The following MITF variants were observed in gnomAD, a reference collection of about 807,000 sequenced individuals.
MITF encodes melanocyte inducing transcription factor.
A neutral mutation model predicts 60.5 loss-of-function variants in MITF; 17 were observed. The ratio of observed to expected loss-of-function variants is 0.28; its 90% CI spans 0.19 to 0.42. The LOEUF is 0.42. Among genes scored for constraint, MITF ranks in the 10% least tolerant of loss-of-function variants. The pLI is 1.00. For synonymous variants in MITF, 260 were observed against 248.5 expected, an observed-to-expected ratio of 1.05 and a Z score of -0.43; for missense variants, 622 against 683.5, an observed-to-expected ratio of 0.91 and a Z score of 1.00.
chr3:69,776,204 C>T (rs2062471110), intron 1 of MITF, among the ~76,000 whole-genome samples: 1 of 152,198 alleles, frequency 6.6e-6, no homozygotes, highest in African/African-American at 2.4e-5. Context: ...ACTGAATTAA[C>T]TTCTGTAAGC....
intron 1 of MITF, among the ~76,000 whole-genome samples, chr3:69,846,369 A>G (rs1187220799): frequency 6.6e-6 from 1 of 152,062 alleles, no homozygotes; most frequent in East Asian, 1.9e-4. Context: ...ATGTCTGGGA[A>G]CTCATCTCTA....
At chr3:69,837,709 C>T (rs1246001687) in intron 1 of MITF, among the ~76,000 whole-genome samples, 3 of 152,094 alleles carry the variant, frequency 2.0e-5, no homozygotes, top group Non-Finnish European at 4.4e-5. Flanking sequence ...AATTACCTGA[C>T]CTGAAGTGAC....
chr3:69,869,086 G>A (rs2064172710), intron 1 of MITF, among the ~76,000 whole-genome samples: 1 of 152,038 alleles, frequency 6.6e-6, no homozygotes, highest in South Asian at 2.1e-4. Flanking sequence ...TCAAGCAAAT[G>A]GTTTGAATAA....
At chr3:69,848,377 G>A (rs1018600654) in intron 1 of MITF, among the ~76,000 whole-genome samples, 3 of 152,194 alleles carry the variant, frequency 2.0e-5, no homozygotes, top group African/African-American at 7.2e-5. Context: ...GGCTGGCCAT[G>A]GAATATTTTA....
At chr3:69,904,350 A>T (rs2065053565) in intron 2 of MITF, among the ~76,000 whole-genome samples, 3 of 152,174 alleles carry the variant, frequency 2.0e-5, no homozygotes, top group African/African-American at 7.2e-5. Context: ...ATGTTTGATC[A>T]TATTTAGATT....
chr3:69,758,892 A>G (rs1421694874), intron 1 of MITF: 2 of 214,482 alleles, frequency 9.3e-6, no homozygotes, highest in Non-Finnish European at 1.9e-5. Context: ...AAATGGAGCT[A>G]ATGGCATGTC....
chr3:69,914,971 A>G (rs1430918557), intron 2 of MITF, among the ~76,000 whole-genome samples: 1 of 152,194 alleles, frequency 6.6e-6, no homozygotes, highest in Non-Finnish European at 1.5e-5. Flanking sequence ...GCCATGAGTA[A>G]TGTATTCCAC....
At chr3:69,746,961 C>T (rs958404478) in intron 1 of MITF, among the ~76,000 whole-genome samples, 8 of 152,178 alleles carry the variant, frequency 5.3e-5, no homozygotes, top group Non-Finnish European at 7.3e-5. Flanking sequence ...CTTATTTCTT[C>T]GCTTCGTCTT....
rs1169713949 is a variant in MITF, at chr3:69,967,516, G to A, written c.*2268G>A. ...GCAAGGTTGACTAACCTACGGCCAC[G>A]GGAACAGGACCATGGTTAAGCAACC... On this transcript the variant is annotated 3_prime_UTR_variant, in exon 10 of 10. Transcript: ENST00000352241. The A allele has an allele frequency of 8.6e-6, 2 of 233,356 alleles. No individual in the cohort carries two copies. The highest frequency in any genetic ancestry group is 8.5e-6 in the Non-Finnish European group (1 of 117,878). The allele number at this position is 233,356 out of a possible 1,614,324, so 14.5% of individuals were successfully genotyped here.
At chr3:69,780,071 C>G (rs972007974) in intron 1 of MITF, among the ~76,000 whole-genome samples, 4 of 152,084 alleles carry the variant, frequency 2.6e-5, no homozygotes, top group Non-Finnish European at 5.9e-5. Context: ...AGTTGCTCAA[C>G]AAAGAGGTAT....
In MITF at chr3:69,956,729, G is replaced by A. The variant is rs114969115; in HGVS notation, c.1031+199G>A. ...AATTTCAAGACAAAAGCATTGAATT[G>A]TGCAAAAGGATTGTTGGACACTAGA... On this transcript the variant is annotated intron_variant, in intron 8 of 9. Coordinates refer to ENST00000352241, the MANE Select transcript of MITF (RefSeq NM_001354604.2). 7.8e-3 allele frequency among the ~76,000 whole-genome samples: 1,190 copies of A among 152,198 alleles called. 11 individuals carry two copies. Among genetic ancestry groups the A allele is most frequent in the African/African-American group, 0.027 (1,127 of 41,508 alleles).
chr3:69,805,788 A>G (rs2062995749), intron 1 of MITF, among the ~76,000 whole-genome samples: 1 of 151,968 alleles, frequency 6.6e-6, no homozygotes, highest in African/African-American at 2.4e-5. Flanking sequence ...CCTACCAAAT[A>G]GCTAGGACTA....
intron 1 of MITF, among the ~76,000 whole-genome samples, chr3:69,856,174 C>G (rs1457742569): frequency 1.3e-5 from 2 of 152,170 alleles, no homozygotes; most frequent in Non-Finnish European, 2.9e-5. Context: ...CTCGTTTCCA[C>G]TGAAAGTTTC....
At chr3:69,815,026 G>A (rs1194360880) in intron 1 of MITF, among the ~76,000 whole-genome samples, 4 of 152,096 alleles carry the variant, frequency 2.6e-5, no homozygotes, top group Admixed American at 1.3e-4. Context: ...AGGATGGCTC[G>A]GGGCCTCAGG....
At chr3:69,830,546 C>A (rs1174895931) in intron 1 of MITF, among the ~76,000 whole-genome samples, 1 of 152,170 alleles carries the variant, frequency 6.6e-6, no homozygotes. Flanking sequence ...CTACCTTTAA[C>A]ATTTTCTGTG....
chr3:69,924,308 T>A (rs1179696989), intron 2 of MITF, among the ~76,000 whole-genome samples: 7 of 152,098 alleles, frequency 4.6e-5, no homozygotes, highest in Admixed American at 4.6e-4. Flanking sequence ...CCAAGTCAGA[T>A]CTCTTAGAAG....
At chr3:69,804,188 A>G (rs1177308050) in intron 1 of MITF, among the ~76,000 whole-genome samples, 3 of 152,212 alleles carry the variant, frequency 2.0e-5, no homozygotes, top group East Asian at 3.8e-4. Context: ...AAATACATGA[A>G]CAGTTGTTAC....
At chr3:69,763,980 G>A in intron 1 of MITF, 1 of 1,310,088 alleles carries the variant, frequency 7.6e-7, no homozygotes, top group Non-Finnish European at 1.0e-6. Context: ...CAGTTTACAG[G>A]TTCTTATATA....
At chr3:69,883,617 C>T (rs1274208226) in intron 2 of MITF, among the ~76,000 whole-genome samples, 1 of 152,160 alleles carries the variant, frequency 6.6e-6, no homozygotes, top group Non-Finnish European at 1.5e-5. Context: ...ACTTCTCCCA[C>T]AACCTACCCT....
Sources: gnomAD v4.1 joint callset for allele counts (sites outside exome capture counted in the v4.1 genomes callset) on GRCh38, gnomAD v4.1.1 for gene constraint, MANE v1.5 for transcripts, NCBI Gene and HGNC (gene_info 2026-07-23, HGNC 2026-07-21) for gene names.